The following TACR1 variants were observed in gnomAD, a reference collection of about 807,000 sequenced individuals.
The protein encoded by TACR1 is tachykinin receptor 1.
In TACR1, 25 loss-of-function variants were observed where a neutral mutation model predicts 35.8. That is an observed-to-expected ratio of 0.70 (90% CI 0.51 to 0.98). TACR1 has a LOEUF of 0.98. TACR1 is among the 50% of genes least tolerant of loss of function. The probability of loss-of-function intolerance (pLI) is 0.00; values close to 1 mark genes in which losing one functional copy is unlikely to be tolerated. For missense variants in TACR1, 478 were observed against 522.9 expected, an observed-to-expected ratio of 0.91 and a Z score of 0.84; for synonymous variants, 195 against 206.7, an observed-to-expected ratio of 0.94 and a Z score of 0.48.
chr2:75,051,020 G>A, intron 4 of TACR1: 1 of 571,176 alleles, frequency 1.8e-6, no homozygotes, highest in South Asian at 2.1e-5. Context: ...CAATAATATG[G>A]ATTTCTGGTT....
chr2:75,124,948 T>C (rs1674045060), intron 1 of TACR1, among the ~76,000 whole-genome samples: 2 of 152,176 alleles, frequency 1.3e-5, no homozygotes, highest in South Asian at 4.1e-4. Flanking sequence ...CGGCCAGTCA[T>C]GACCAAGAAT....
chr2:75,162,398 G>A (rs183000452), intron 1 of TACR1, among the ~76,000 whole-genome samples: 18 of 152,142 alleles, frequency 1.2e-4, no homozygotes, highest in Non-Finnish European at 1.9e-4. Flanking sequence ...ACTAATTCTA[G>A]CCAATGGCCA....
intron 2 of TACR1, among the ~76,000 whole-genome samples, chr2:75,063,537 C>A (rs1036187283): frequency 6.6e-6 from 1 of 152,144 alleles, no homozygotes; most frequent in African/African-American, 2.4e-5. Context: ...TTCCCAGGAC[C>A]ACTTATTGGA....
At chr2:75,098,912 CTT>C (rs201792078) in intron 2 of TACR1, among the ~76,000 whole-genome samples, 1 of 144,736 alleles carries the variant, frequency 6.9e-6, no homozygotes, top group East Asian at 2.0e-4. Context: ...CAAATTAAGG[CTT>C]TTTTTTTTTT....
chr2:75,104,051 C>G (rs907155652), intron 2 of TACR1, among the ~76,000 whole-genome samples: 3 of 151,934 alleles, frequency 2.0e-5, no homozygotes, highest in African/African-American at 7.2e-5. Context: ...GTAGTATGTA[C>G]CTATCCATAA....
At chr2:75,154,027 C>G (rs544358642) in intron 1 of TACR1, among the ~76,000 whole-genome samples, 9 of 152,122 alleles carry the variant, frequency 5.9e-5, no homozygotes, top group Non-Finnish European at 1.3e-4. Context: ...TCAGTAAAGG[C>G]CCAGCTTGCT....
At chr2:75,117,363 A>G (rs144610035) in intron 2 of TACR1, among the ~76,000 whole-genome samples, 68 of 152,362 alleles carry the variant, frequency 4.5e-4, no homozygotes, top group African/African-American at 1.4e-3. Context: ...ATTTTTCACA[A>G]AACATTTTAT....
At chr2:75,144,509 A>T (rs1213693410) in intron 1 of TACR1, among the ~76,000 whole-genome samples, 5 of 152,242 alleles carry the variant, frequency 3.3e-5, no homozygotes, top group African/African-American at 1.2e-4. Flanking sequence ...GTGCTTTCTC[A>T]GGAAAGATGG....
intron 1 of TACR1, among the ~76,000 whole-genome samples, chr2:75,139,405 T>G (rs957780826): frequency 2.6e-5 from 4 of 152,214 alleles, no homozygotes; most frequent in African/African-American, 9.7e-5. Context: ...CTATCTGACT[T>G]TAGCATCTGC....
chr2:75,051,307 C>A lies in TACR1; in HGVS notation c.876G>T (p.Trp292Cys). ...TGTACATGGTGGAGCTCATGGCCAG[C>A]CACATGATGGCCAGGTAGACCTGCT... ...FIQQVYLAIM[W>C]LAMSSTMYNP... is the part of the protein sequence containing the mutation. Residue 292 changes from tryptophan (W) to cysteine (C), a missense_variant, in exon 4 of 5, where the codon TGG (tryptophan) becomes TGT (cysteine). Trp to Cys is a radical substitution (Grantham distance 215, BLOSUM62 -2). Transcript: ENST00000305249. 6.2e-7 allele frequency: 1 copy of A among 1,614,192 alleles called. No individual in the cohort carries two copies. Among genetic ancestry groups the A allele is most frequent in the Non-Finnish European group, 8.5e-7 (1 of 1,180,036 alleles).
At chr2:75,068,318 A>G (rs563824710) in intron 2 of TACR1, among the ~76,000 whole-genome samples, 1 of 152,270 alleles carries the variant, frequency 6.6e-6, no homozygotes, top group Admixed American at 6.5e-5. Context: ...GGTCCCTCAC[A>G]TCATGGAGGG....
chr2:75,115,197 A>AAC (rs5832149), intron 2 of TACR1, among the ~76,000 whole-genome samples: 3,361 of 151,216 alleles, frequency 0.022, 120 homozygotes, highest in African/African-American at 0.076. Flanking sequence ...CAGATTATAA[A>AAC]ATATATATAT....
At chr2:75,162,353 A>C (rs1333610674) in intron 1 of TACR1, among the ~76,000 whole-genome samples, 1 of 152,208 alleles carries the variant, frequency 6.6e-6, no homozygotes, top group Non-Finnish European at 1.5e-5. Flanking sequence ...AATCTTTAAA[A>C]AATGTGTTAG....
intron 2 of TACR1, among the ~76,000 whole-genome samples, chr2:75,074,451 C>G (rs1672940106): frequency 1.3e-5 from 2 of 152,172 alleles, no homozygotes. Context: ...CATGGCCCTA[C>G]AGCATGTGGC....
Position 75,056,823 on chromosome 2 carries a change from A to G in TACR1, c.585-3068T>C, listed in dbSNP as rs143577649. ...AAAAATGGGCTTAATTTCAGCTAAA[A>G]TGTGTTACAGTCAGGAGCATTGGTT... is the stretch of plus-strand genomic sequence containing the variant. On this transcript the variant is annotated intron_variant, in intron 2 of 4. Coordinates refer to ENST00000305249, the MANE Select transcript of TACR1 (RefSeq NM_001058.4). Among the ~76,000 whole-genome samples, 289 of 152,360 alleles carry G rather than the reference A, an allele frequency of 1.9e-3. 2 individuals are homozygous for G. The highest frequency in any genetic ancestry group is 6.2e-3 in the African/African-American group (256 of 41,592).
intron 1 of TACR1, among the ~76,000 whole-genome samples, chr2:75,195,742 A>G (rs1675955007): frequency 6.6e-6 from 1 of 152,226 alleles, no homozygotes; most frequent in South Asian, 2.1e-4. Context: ...GCAAAAATCT[A>G]GAAATCACCT....
chr2:75,159,084 G>A, intron 1 of TACR1, among the ~76,000 whole-genome samples: 1 of 151,802 alleles, frequency 6.6e-6, no homozygotes, highest in East Asian at 1.9e-4. Flanking sequence ...GATAAACAAT[G>A]TAGCTAATTT....
chr2:75,166,062 G>A (rs1222373788), intron 1 of TACR1, among the ~76,000 whole-genome samples: 1 of 152,180 alleles, frequency 6.6e-6, no homozygotes, highest in Non-Finnish European at 1.5e-5. Context: ...TCCCCTCACT[G>A]TGATTAGAGA....
intron 2 of TACR1, among the ~76,000 whole-genome samples, chr2:75,114,935 G>A (rs1484235298): frequency 1.3e-5 from 2 of 152,162 alleles, no homozygotes; most frequent in Non-Finnish European, 2.9e-5. Flanking sequence ...CACAGACAGG[G>A]AATGGCAGAT....
Sources: allele counts gnomAD v4.1 joint callset (sites outside exome capture counted in the v4.1 genomes callset), GRCh38; gene constraint gnomAD v4.1.1; transcripts MANE v1.5; gene names NCBI Gene and HGNC (gene_info 2026-07-23, HGNC 2026-07-21).